The following AAK1 variants were observed in gnomAD, a reference collection of about 807,000 sequenced individuals.
The protein encoded by AAK1 is AP2-associated protein kinase 1.
AAK1 carries 37 observed loss-of-function variants against 116.0 expected under a neutral mutation model. The ratio of observed to expected loss-of-function variants is 0.32; its 90% CI spans 0.25 to 0.42. The LOEUF (loss-of-function observed/expected upper bound fraction) is 0.42, where lower values mean the gene tolerates loss of function less well. Ranked by LOEUF, AAK1 falls within the 10% of genes least tolerant of loss-of-function variation. AAK1 has a pLI of 1.00. For missense variants in AAK1, 919 were observed against 1,170.6 expected (o/e 0.79, Z 3.14); for synonymous variants, 458 against 439.9 (o/e 1.04, Z -0.51).
Position 69,596,687 on chromosome 2 carries a change from T to C in AAK1, c.164-39709A>G, listed in dbSNP as rs549463522. 9.2e-5 allele frequency among the ~76,000 whole-genome samples: 14 copies of C among 152,350 alleles called. No individual in the cohort carries two copies. In the South Asian group the frequency reaches 2.7e-3, roughly 29 times the overall value. The stretch of plus-strand genomic sequence containing the variant: ...AGACCATTCATGCTTTTCTGGAGCA[T>C]GGCAGGAGCTGAGCCACCAAACCTC... On this transcript the variant is annotated intron_variant, in intron 2 of 21. Transcript: ENST00000409085.
intron 16 of AAK1, among the ~76,000 whole-genome samples, 169 bp downstream of exon 16, chr2:69,505,400 A>T (rs931062530): frequency 6.6e-6 from 1 of 151,998 alleles, no homozygotes; most frequent in Non-Finnish European, 1.5e-5. Flanking sequence ...CTTTTGAATT[A>T]AAAAAAAGTA....
intron 17 of AAK1, among the ~76,000 whole-genome samples, chr2:69,486,603 G>A (rs13396399): frequency 0.038 from 5,770 of 152,192 alleles, 313 homozygotes; most frequent in East Asian, 0.18. Context: ...CACAGGGAAG[G>A]AAGGCTCCCA....
At position 69,480,911 on chromosome 2, in the gene AAK1, C is replaced by G; in HGVS notation, c.2518G>C (p.Val840Leu). 6.2e-7 allele frequency: 1 copy of G among 1,607,534 alleles called. No individual in the cohort carries two copies. The highest frequency in any genetic ancestry group is 1.1e-5 in the South Asian group (1 of 88,872). Residue 840 changes from valine (V) to leucine (L), a missense_variant, in exon 19 of 22, where the codon GTT (valine) becomes CTT (leucine). This residue lies in a region of AAK1 where 263 missense variants were observed against 285.5 expected (regional missense o/e 0.92). Coordinates refer to ENST00000409085, the MANE Select transcript of AAK1 (RefSeq NM_014911.5). Reference protein sequence around the residue: ...ESLIPGLEPPVPQRLPSQTES... With the variant: ...ESLIPGLEPPLPQRLPSQTES... ...GTCTGAGATGGGAGGCGCTGGGGAA[C>G]TGGGGGCTCCAGTCCTGGTATGAGA...
At chr2:69,574,692 C>T (rs1188242647) in intron 2 of AAK1, among the ~76,000 whole-genome samples, 1 of 151,960 alleles carries the variant, frequency 6.6e-6, no homozygotes, top group Non-Finnish European at 1.5e-5. Flanking sequence ...ATGTACACGA[C>T]GGGGATGGTG....
intron 2 of AAK1, among the ~76,000 whole-genome samples, chr2:69,627,059 G>A (rs561124001): frequency 9.9e-5 from 15 of 152,096 alleles, no homozygotes; most frequent in South Asian, 6.2e-4. Flanking sequence ...AGGCCGAGGC[G>A]GGTGGATCTC....
chr2:69,478,941 A>C lies in AAK1; in HGVS notation c.2680+10T>G. On this transcript the variant is annotated intron_variant, in intron 20 of 21. Coordinates refer to ENST00000409085, the MANE Select transcript of AAK1 (RefSeq NM_014911.5). ...GACACATGTGGGCCTGAGAAGAAGA[A>C]AGCATTTACCTTTATGGACTGGAGC... 6.3e-7 allele frequency: 1 copy of C among 1,596,784 alleles called. No individual in the cohort carries two copies. The highest frequency in any genetic ancestry group is 1.3e-5 in the African/African-American group (1 of 74,638).
chr2:69,527,993 A>G (rs1489017521), intron 8 of AAK1, among the ~76,000 whole-genome samples: 2 of 152,242 alleles, frequency 1.3e-5, no homozygotes, highest in Non-Finnish European at 2.9e-5. Flanking sequence ...AATGCTCTGG[A>G]CACTAAGTTC....
At chr2:69,596,723 C>T (rs1030033755) in intron 2 of AAK1, among the ~76,000 whole-genome samples, 5 of 152,092 alleles carry the variant, frequency 3.3e-5, no homozygotes, top group Non-Finnish European at 7.4e-5. Context: ...AGGCAGTGGG[C>T]CTCTGTGACT....
chr2:69,467,294 G>A lies in AAK1; in HGVS notation c.*8575C>T, dbSNP rs1674519766. On this transcript the variant is annotated 3_prime_UTR_variant, in exon 22 of 22. Transcript: ENST00000409085. ...TAAGCAGAAGGAGTAAAATGCATGG[G>A]CCATTACAGAAGCATTAGCAAACTC... The A allele has an allele frequency of 1.0e-6, 1 of 985,358 alleles. No individual in the cohort carries two copies. The highest frequency in any genetic ancestry group is 4.7e-5 in the South Asian group (1 of 21,276). 61.0% of individuals were successfully genotyped at this position (985,358 alleles called of 1,614,324 possible).
intron 2 of AAK1, among the ~76,000 whole-genome samples, chr2:69,571,145 T>A (rs1009358071): frequency 2.0e-5 from 3 of 152,238 alleles, no homozygotes; most frequent in Admixed American, 2.0e-4. Context: ...TTGGCCTAGT[T>A]TATCATACTC....
chr2:69,516,005 T>C (rs754718972), intron 12 of AAK1, among the ~76,000 whole-genome samples: 1 of 152,166 alleles, frequency 6.6e-6, no homozygotes, highest in African/African-American at 2.4e-5. Context: ...TACCACTATA[T>C]ATGGGTTGGT....
intron 2 of AAK1, among the ~76,000 whole-genome samples, chr2:69,596,849 C>A (rs1196577869): frequency 6.6e-6 from 1 of 152,096 alleles, no homozygotes; most frequent in African/African-American, 2.4e-5. Flanking sequence ...TGTTGGCCAC[C>A]TTGCCTTGTC....
intron 2 of AAK1, among the ~76,000 whole-genome samples, chr2:69,640,081 C>CTCTCTCT (rs542823509): frequency 4.8e-4 from 59 of 121,746 alleles, no homozygotes; most frequent in African/African-American, 1.8e-3. Flanking sequence ...TCTCTCTCTC[C>CTCTCTCT]CCCCCCACAT....
intron 2 of AAK1, among the ~76,000 whole-genome samples, chr2:69,591,523 CTT>C (rs557305954): frequency 3.1e-5 from 4 of 129,968 alleles, no homozygotes; most frequent in Admixed American, 8.1e-5. Flanking sequence ...TTTTCTTTTT[CTT>C]TTTTTTTTTT....
At position 69,468,751 on chromosome 2, in the gene AAK1, A is replaced by T; in HGVS notation, c.*7118T>A. The stretch of plus-strand genomic sequence containing the variant: ...TTGGATGCCTGAAGTGCTAGATTAC[A>T]TTTTGAGAACTAGGAAGTACCAAGG... On this transcript the variant is annotated 3_prime_UTR_variant, in exon 22 of 22. Coordinates refer to ENST00000409085, the MANE Select transcript of AAK1 (RefSeq NM_014911.5). 1 of 985,462 alleles carries T rather than the reference A, an allele frequency of 1.0e-6. No individual in the cohort carries two copies. Among genetic ancestry groups the T allele is most frequent in the Non-Finnish European group, 1.2e-6 (1 of 829,934 alleles). The allele number at this position is 985,462 out of a possible 1,614,324, so 61.0% of individuals were successfully genotyped here.
In AAK1 at chr2:69,514,642, C is replaced by T. The variant is rs374906245; in HGVS notation, c.1605G>A (p.Gln535=). Residue 535 remains glutamine, a synonymous_variant, in exon 13 of 22, where the codon CAG becomes CAA. Transcript: ENST00000409085. ...QQLMQNFYQQ[Q]QQQQQQQQQQ... Reference sequence around the variant, plus strand: ...GTTGCTGTTGTTGTTGCTGCTGCTGCTGCTGCTGGTAGAAATTCTGCATTA... The same window carrying T: ...GTTGCTGTTGTTGTTGCTGCTGCTGTTGCTGCTGGTAGAAATTCTGCATTA... 9.9e-6 allele frequency: 16 copies of T among 1,611,350 alleles called. No individual in the cohort carries two copies. In the African/African-American group the frequency reaches 1.7e-4, roughly 17 times the overall value.
chr2:69,500,694 T>TACACACAC (rs1355670597), intron 16 of AAK1, among the ~76,000 whole-genome samples: 111 of 110,052 alleles, frequency 1.0e-3, no homozygotes, highest in African/African-American at 3.2e-3. Context: ...TATATATATA[T>TACACACAC]ATATACACAC....
intron 2 of AAK1, among the ~76,000 whole-genome samples, chr2:69,602,119 A>C (rs10170386): frequency 0.13 from 19,742 of 152,138 alleles, 3,034 homozygotes; most frequent in African/African-American, 0.35. Flanking sequence ...CTGGCCTGTA[A>C]ACTAAAAATG....
intron 2 of AAK1, among the ~76,000 whole-genome samples, chr2:69,591,499 ATTTTTTTT>A (rs1157442867): frequency 6.8e-6 from 1 of 147,708 alleles, no homozygotes; most frequent in Non-Finnish European, 1.5e-5. Flanking sequence ...TGGTTCTATA[ATTTTTTTT>A]TCTTTTTTTC....
Sources: allele counts gnomAD v4.1 joint callset (sites outside exome capture counted in the v4.1 genomes callset), GRCh38; gene constraint gnomAD v4.1.1; regional missense constraint gnomAD v4.1.1; transcripts MANE v1.5; gene names NCBI Gene and HGNC (gene_info 2026-07-23, HGNC 2026-07-21).